DYNLT1: variants seen among roughly 807,000 people sequenced by gnomAD.
DYNLT1 encodes T-complex testis-specific protein 1 homolog.
DYNLT1 carries 18 observed loss-of-function variants against 19.6 expected under a neutral mutation model. The ratio of observed to expected loss-of-function variants is 0.92; its 90% CI spans 0.64 to 1.36. The LOEUF is 1.36. Among genes scored for constraint, DYNLT1 ranks in the 40% most tolerant of loss-of-function variants. DYNLT1 has a pLI of 0.00. For missense variants in DYNLT1, 137 were observed against 139.3 expected, an observed-to-expected ratio of 0.98 and a Z score of 0.08; for synonymous variants, 56 against 44.0, an observed-to-expected ratio of 1.27 and a Z score of -1.07.
At chr6:158,637,936 C>T in intron 2 of DYNLT1, 42 bp from the exon 3 acceptor site, 1 of 1,592,362 alleles carries the variant, frequency 6.3e-7, no homozygotes, top group Non-Finnish European at 8.5e-7. Flanking sequence ...TAACCAAATG[C>T]ACCCACACCA....
In DYNLT1 at chr6:158,636,799, G is replaced by T; in HGVS notation, c.*28C>A. On this transcript the variant is annotated 3_prime_UTR_variant, in exon 5 of 5. Transcript: ENST00000367089. ...GTTAGAGGATGAACTAGAGACAAAA[G>T]GAGAAAGGCCATAGGCTGGACTGCA... 1 of 1,599,322 alleles carries T rather than the reference G, an allele frequency of 6.3e-7. No individual in the cohort carries two copies. Among genetic ancestry groups the T allele is most frequent in the South Asian group, 1.1e-5 (1 of 89,122 alleles).
chr6:158,642,476 G>A (rs1363589300), intron 1 of DYNLT1: 2 of 152,252 alleles, frequency 1.3e-5, no homozygotes, highest in Non-Finnish European at 2.9e-5. Context: ...CAGTCAACGT[G>A]CATCCTGAGG....
At chr6:158,637,585 G>C (rs570134252) in intron 3 of DYNLT1, 186 bp downstream of exon 3, 1 of 833,898 alleles carries the variant, frequency 1.2e-6, no homozygotes, top group Non-Finnish European at 1.9e-6. Flanking sequence ...CTTCACATAC[G>C]ATCTGCAATT....
At chr6:158,641,221 A>G in intron 2 of DYNLT1, 98 bp downstream of exon 2, 2 of 1,142,766 alleles carry the variant, frequency 1.8e-6, no homozygotes, top group South Asian at 3.2e-5. Context: ...CAAAACACAC[A>G]GACTCAGTCG....
At chr6:158,639,594 G>A (rs895375257) in intron 2 of DYNLT1, among the ~76,000 whole-genome samples, 17 of 152,146 alleles carry the variant, frequency 1.1e-4, no homozygotes, top group African/African-American at 3.6e-4. Context: ...CTATTGCGGC[G>A]GCAAAAAAGC....
rs1229639972 is a variant in DYNLT1 at position 158,644,613 on chromosome 6, C to A, written c.27+69G>T. 1.4e-5 allele frequency: 22 copies of A among 1,593,286 alleles called. No individual in the cohort carries two copies. In the East Asian group the frequency reaches 1.8e-4, roughly 13 times the overall value. On this transcript the variant is annotated intron_variant, in intron 1 of 4. Coordinates refer to ENST00000367089, the MANE Select transcript of DYNLT1 (RefSeq NM_006519.4). ...AGGTGGGCAGCCAGGCCTTTCCGGG[C>A]AGGACCGCGTGTCCTTCCGCGGCCA... is the stretch of plus-strand genomic sequence containing the variant.
At chr6:158,641,271 CTAATA>C (rs1562324830) in intron 2 of DYNLT1, 43 bp downstream of exon 2, 30 of 1,515,132 alleles carry the variant, frequency 2.0e-5, no homozygotes, top group African/African-American at 5.7e-5. Context: ...ATTATTTTCT[CTAATA>C]TAAGCCATTA....
At chr6:158,638,319 T>C (rs745455945) in intron 2 of DYNLT1, among the ~76,000 whole-genome samples, 11 of 152,244 alleles carry the variant, frequency 7.2e-5, no homozygotes, top group African/African-American at 1.2e-4. Flanking sequence ...TATTAAAAAA[T>C]ACTTTTATCC....
intron 1 of DYNLT1, chr6:158,641,596 G>GA (rs1787136226): frequency 3.3e-6 from 1 of 298,888 alleles, no homozygotes; most frequent in Non-Finnish European, 6.1e-6. Flanking sequence ...TTTTGAGACG[G>GA]AGTGTCGCTC....
rs766618122 is a variant in DYNLT1 at position 158,636,900 on chromosome 6, G to A, written c.272-3C>T. The A allele has an allele frequency of 6.2e-7, 1 of 1,613,444 alleles. No homozygotes were observed. Among genetic ancestry groups the A allele is most frequent in the South Asian group, 1.1e-5 (1 of 90,866 alleles). On this transcript the variant is annotated splice_region_variant and splice_polypyrimidine_tract_variant and intron_variant, in intron 4 of 4. Transcript: ENST00000367089. ...CTCCCATCGCACAGTGCAGCTCCCT[G>A]CGGGAGGGAAGAGAGCAGCATTTAC...
At chr6:158,643,806 T>C (rs1326312717) in intron 1 of DYNLT1, among the ~76,000 whole-genome samples, 2 of 152,170 alleles carry the variant, frequency 1.3e-5, no homozygotes, top group Admixed American at 1.3e-4. Flanking sequence ...TGGTAAGATA[T>C]CCAACCTTAC....
At chr6:158,641,576 ATTTAT>A (rs1326608410) in intron 1 of DYNLT1, 17 of 362,746 alleles carry the variant, frequency 4.7e-5, no homozygotes, top group African/African-American at 3.4e-4. Flanking sequence ...TTTTATTTTT[ATTTAT>A]TTATTTTTGA....
At position 158,636,663 on chromosome 6, in the gene DYNLT1, C is replaced by G. The variant is rs1787003219; in HGVS notation, c.*164G>C. On this transcript the variant is annotated 3_prime_UTR_variant, in exon 5 of 5. Coordinates refer to ENST00000367089, the MANE Select transcript of DYNLT1 (RefSeq NM_006519.4). Reference sequence around the variant, plus strand: ...GTGACCTACAGGGATACTCATCTGACTTCGGTGCCATTCACATCACAGTGC... The same window carrying G: ...GTGACCTACAGGGATACTCATCTGAGTTCGGTGCCATTCACATCACAGTGC... 3 of 701,916 alleles carry G rather than the reference C, an allele frequency of 4.3e-6. No individual in the cohort carries two copies. The highest frequency in any genetic ancestry group is 1.8e-5 in the African/African-American group (1 of 55,906). 43.5% of individuals were successfully genotyped at this position (701,916 alleles called of 1,614,324 possible).
chr6:158,641,243 A>G, intron 2 of DYNLT1, 76 bp downstream of exon 2: 2 of 1,372,422 alleles, frequency 1.5e-6, no homozygotes, highest in Non-Finnish European at 2.0e-6. Flanking sequence ...AACAATTCCA[A>G]GATAGTATTT....
rs144685549 is a variant in DYNLT1, at chr6:158,637,218, C to G, written c.194-13G>C. 3.3e-3 allele frequency: 5,324 copies of G among 1,612,492 alleles called. 17 individuals carry two copies. The highest frequency in any genetic ancestry group is 4.0e-3 in the Non-Finnish European group (4,697 of 1,179,254). ...ATTACACAGGTCACTTAAGTTAAAA[C>G]AAATTTTTGTTAGAGAAGTCTACTG... On this transcript the variant is annotated splice_polypyrimidine_tract_variant and intron_variant, in intron 3 of 4. Coordinates refer to ENST00000367089, the MANE Select transcript of DYNLT1 (RefSeq NM_006519.4).
intron 1 of DYNLT1, 151 bp downstream of exon 1, chr6:158,644,531 A>T: frequency 1.2e-6 from 1 of 868,446 alleles, no homozygotes; most frequent in Non-Finnish European, 1.7e-6. Context: ...GGCCGGGCGG[A>T]GCGCCGGCGA....
chr6:158,644,549 G>C lies in DYNLT1; in HGVS notation c.27+133C>G, dbSNP rs552477729. The C allele has an allele frequency of 2.7e-4, 289 of 1,068,110 alleles. 7 individuals carry two copies. In the East Asian group the frequency reaches 8.1e-3, roughly 30 times the overall value. 66.2% of individuals were successfully genotyped at this position (1,068,110 alleles called of 1,614,324 possible). On this transcript the variant is annotated intron_variant, in intron 1 of 4. Coordinates refer to ENST00000367089, the MANE Select transcript of DYNLT1 (RefSeq NM_006519.4). Reference sequence around the variant, plus strand: ...CGGGCGGAGCGCCGGCGACCGGGAAGCTCAGGCCGTGGGCTGCCGAGACTG... The same window carrying C: ...CGGGCGGAGCGCCGGCGACCGGGAACCTCAGGCCGTGGGCTGCCGAGACTG...
At chr6:158,638,845 G>C (rs1342669373) in intron 2 of DYNLT1, among the ~76,000 whole-genome samples, 1 of 152,128 alleles carries the variant, frequency 6.6e-6, no homozygotes, top group Non-Finnish European at 1.5e-5. Flanking sequence ...CGCTGCTCTT[G>C]CTAAGCTTAT....
In DYNLT1 at chr6:158,644,732, G is replaced by C. The variant is rs574899245; in HGVS notation, c.-24C>G. 2.5e-6 allele frequency: 4 copies of C among 1,609,144 alleles called. No individual in the cohort carries two copies. The highest frequency in any genetic ancestry group is 2.2e-5 in the East Asian group (1 of 44,830). ...ATCTTTCCTCCGGCGCGTCCCCTCC[G>C]GCTCCCTGAGTGGCGCGGACTGCGC... On this transcript the variant is annotated 5_prime_UTR_variant, in exon 1 of 5. Coordinates refer to ENST00000367089, the MANE Select transcript of DYNLT1 (RefSeq NM_006519.4).
Sources: allele counts gnomAD v4.1 joint callset (sites outside exome capture counted in the v4.1 genomes callset), GRCh38; gene constraint gnomAD v4.1.1; transcripts MANE v1.5; gene names NCBI Gene and HGNC (gene_info 2026-07-23, HGNC 2026-07-21).